Variants in PKD1L3 observed in about 807,000 individuals in gnomAD.
PKD1L3 encodes the protein polycystin 1 like 3, transient receptor potential channel interacting.
In PKD1L3, 239 loss-of-function variants were observed where a neutral mutation model predicts 184.1. That is an observed-to-expected ratio of 1.30 (90% CI 1.17 to 1.45). PKD1L3 has a LOEUF of 1.45. PKD1L3 is among the 40% of genes most tolerant of loss of function. The probability of loss-of-function intolerance (pLI) is 0.00; values close to 1 mark genes in which losing one functional copy is unlikely to be tolerated. For missense variants in PKD1L3, 2,660 were observed against 2,067.2 expected (o/e 1.29, Z -5.56); for synonymous variants, 996 against 778.8 (o/e 1.28, Z -4.64).
At chr16:71,930,250 T>C (rs1454613911) in intron 28 of PKD1L3, 67 bp from the exon 29 acceptor site, 3 of 1,405,696 alleles carry the variant, frequency 2.1e-6, no homozygotes, top group Non-Finnish European at 2.8e-6. Context: ...ACATAAGCTA[T>C]ATGCTAGTGT....
At chr16:71,992,242 C>T (rs1243770669) in intron 3 of PKD1L3, among the ~76,000 whole-genome samples, 3 of 152,086 alleles carry the variant, frequency 2.0e-5, no homozygotes, top group African/African-American at 7.2e-5. Flanking sequence ...GGTAAATTGC[C>T]CCACAATAAG....
chr16:71,962,956 T>C (rs924547120), intron 16 of PKD1L3, among the ~76,000 whole-genome samples: 5 of 152,204 alleles, frequency 3.3e-5, no homozygotes, highest in Admixed American at 2.6e-4. Context: ...TATAAATGAT[T>C]CTCTAGGTAA....
In PKD1L3 at chr16:71,943,006, G is replaced by C; in HGVS notation, c.3878C>G (p.Thr1293Ser). Reference protein sequence around the residue: ...GDILVQILFLTLLMTAIYSAK... With the variant: ...GDILVQILFLSLLMTAIYSAK... ...AGAGTAGATTGCAGTCATCAACAGG[G>C]TAAGGAAGAGGATTTGTACTTGTTT... Residue 1293 changes from threonine (T) to serine (S), a missense_variant, in exon 24 of 30, where the codon ACC becomes AGC. Thr to Ser is a moderately conservative substitution (Grantham distance 58). Coordinates refer to ENST00000620267, the MANE Select transcript of PKD1L3 (RefSeq NM_181536.2). 1 of 1,550,200 alleles carries C rather than the reference G, an allele frequency of 6.5e-7. No individual in the cohort carries two copies. The highest frequency in any genetic ancestry group is 8.7e-7 in the Non-Finnish European group (1 of 1,145,834).
intron 16 of PKD1L3, 61 bp downstream of exon 16, chr16:71,963,144 G>A (rs1567518673): frequency 7.1e-7 from 1 of 1,415,532 alleles, no homozygotes; most frequent in Non-Finnish European, 9.5e-7. Flanking sequence ...ATTCAATCGT[G>A]AACAATTCAA....
Position 71,935,532 on chromosome 16 carries a change from G to A in PKD1L3, c.4453-14C>T. 6.5e-7 allele frequency: 1 copy of A among 1,550,022 alleles called. No individual in the cohort carries two copies. Among genetic ancestry groups the A allele is most frequent in the Non-Finnish European group, 8.7e-7 (1 of 1,145,672 alleles). ...CAGCTGACAACCCTAAACATAGACA[G>A]CACAGTCACTGTTGCTTGTCTGAGA... On this transcript the variant is annotated splice_polypyrimidine_tract_variant and intron_variant, in intron 25 of 29. Coordinates refer to ENST00000620267, the MANE Select transcript of PKD1L3 (RefSeq NM_181536.2).
chr16:71,984,326 G>A (rs535851514), intron 5 of PKD1L3, among the ~76,000 whole-genome samples, 159 bp from the exon 6 acceptor site: 3 of 152,280 alleles, frequency 2.0e-5, no homozygotes, highest in South Asian at 2.1e-4. Context: ...GCTTTTCTGC[G>A]AGTGGACAGA....
At chr16:71,947,389 A>C in intron 22 of PKD1L3, 103 bp downstream of exon 22, 2 of 731,590 alleles carry the variant, frequency 2.7e-6, no homozygotes, top group Non-Finnish European at 4.6e-6. Context: ...CCAGTTGGTT[A>C]GAGACAAGTC....
intron 15 of PKD1L3, among the ~76,000 whole-genome samples, chr16:71,966,515 C>T (rs1426773772): frequency 6.6e-6 from 1 of 151,504 alleles, no homozygotes; most frequent in Non-Finnish European, 1.5e-5. Flanking sequence ...CAGCTTCAAC[C>T]TCCGAGGCTC....
chr16:71,992,449 G>C (rs1387165937), intron 3 of PKD1L3, among the ~76,000 whole-genome samples: 1 of 152,170 alleles, frequency 6.6e-6, no homozygotes, highest in Admixed American at 6.6e-5. Context: ...CACATTGCGG[G>C]ACACAGCTTA....
chr16:71,967,955 A>T lies in PKD1L3; in HGVS notation c.2237T>A (p.Leu746His). ...TCGATATCCGGTGTAGACCTGAATA[A>T]GGTAGTGAAATTGAGCGCTGGGGTC... is the stretch of plus-strand genomic sequence containing the variant. ...DNDPSAQFHY[L>H]IQVYTGYRRS... Residue 746 changes from leucine to histidine, a missense_variant, in exon 14 of 30, where the codon CTT (leucine) becomes CAT (histidine). By Grantham distance (99) the Leu-to-His change is moderately conservative. Transcript: ENST00000620267. The T allele has an allele frequency of 6.4e-7, 1 of 1,551,602 alleles. No homozygotes were observed. Among genetic ancestry groups the T allele is most frequent in the Non-Finnish European group, 8.7e-7 (1 of 1,146,902 alleles).
chr16:71,989,077 T>C (rs1345270953), intron 4 of PKD1L3, among the ~76,000 whole-genome samples: 1 of 152,222 alleles, frequency 6.6e-6, no homozygotes, highest in Non-Finnish European at 1.5e-5. Context: ...CAGAGTGGCA[T>C]ATTTTTATCT....
At chr16:71,938,988 A>G (rs1335203589) in intron 24 of PKD1L3, among the ~76,000 whole-genome samples, 3 of 152,232 alleles carry the variant, frequency 2.0e-5, no homozygotes, top group Non-Finnish European at 4.4e-5. Context: ...GAAGGACAGA[A>G]TAGCTGTGGC....
At position 71,992,863 on chromosome 16, in the gene PKD1L3, T is replaced by G. The variant is rs772824978; in HGVS notation, c.535+353A>C. Among the ~76,000 whole-genome samples, 9 of 152,324 alleles carry G rather than the reference T, an allele frequency of 5.9e-5. 1 individual carries two copies. In the South Asian group the frequency reaches 8.3e-4, roughly 14 times the overall value. On this transcript the variant is annotated intron_variant, in intron 3 of 29. Coordinates refer to ENST00000620267, the MANE Select transcript of PKD1L3 (RefSeq NM_181536.2). ...ATTGCCGTCATTTCAGGCTAATGCATCCTTCCCAAATAGTACTTGTTTTTC... is the reference window on the plus strand; with the variant it reads ...ATTGCCGTCATTTCAGGCTAATGCAGCCTTCCCAAATAGTACTTGTTTTTC...
chr16:71,952,592 T>TGGGAGGCCAAGCTGGGAGGATGGC (rs1555516714), intron 18 of PKD1L3, among the ~76,000 whole-genome samples: 1 of 147,376 alleles, frequency 6.8e-6, no homozygotes, highest in Non-Finnish European at 1.5e-5. Context: ...CCCAGCACTT[T>TGGGAGGCCAAGCTGGGAGGATGGC]GGGAGGCCAA....
Position 71,943,033 on chromosome 16 carries a change from G to C in PKD1L3, c.3860-9C>G, listed in dbSNP as rs753559481. 79 of 1,525,620 alleles carry C rather than the reference G, an allele frequency of 5.2e-5. No homozygotes were observed. Among genetic ancestry groups the C allele is most frequent in the Non-Finnish European group, 6.8e-5 (77 of 1,129,056 alleles). 94.5% of individuals were successfully genotyped at this position (1,525,620 alleles called of 1,614,324 possible). On this transcript the variant is annotated splice_polypyrimidine_tract_variant and intron_variant, in intron 23 of 29. Transcript: ENST00000620267. ...AAGGAAGAGGATTTGTACTTGTTTA[G>C]AAGAGGAAAAAAATGTCATAGTTGA...
At chr16:71,999,068 A>G (rs537425341) in intron 1 of PKD1L3, among the ~76,000 whole-genome samples, 24 of 152,040 alleles carry the variant, frequency 1.6e-4, no homozygotes, top group Non-Finnish European at 2.8e-4. Flanking sequence ...TCAGGAGATC[A>G]AGACCATCCT....
intron 5 of PKD1L3, among the ~76,000 whole-genome samples, chr16:71,985,394 T>G (rs2040317959): frequency 6.6e-6 from 1 of 152,144 alleles, no homozygotes; most frequent in Non-Finnish European, 1.5e-5. Context: ...GCAGGATTAT[T>G]TTCTTCAGTC....
chr16:71,936,927 T>C (rs1011019604), intron 25 of PKD1L3, among the ~76,000 whole-genome samples: 2 of 152,238 alleles, frequency 1.3e-5, no homozygotes, highest in Admixed American at 6.5e-5. Context: ...GGAAAACCAG[T>C]CAGCCTTTAA....
At chr16:71,973,552 A>G in intron 11 of PKD1L3, 35 bp from the exon 12 acceptor site, 1 of 1,515,284 alleles carries the variant, frequency 6.6e-7, no homozygotes, top group South Asian at 1.2e-5. Flanking sequence ...TTGTATATCA[A>G]ATGGAACAAA....
Sources: allele counts gnomAD v4.1 joint callset (sites outside exome capture counted in the v4.1 genomes callset), GRCh38; gene constraint gnomAD v4.1.1; transcripts MANE v1.5; gene names NCBI Gene and HGNC (gene_info 2026-07-23, HGNC 2026-07-21).